The following SLC14A2 variants were observed in gnomAD, a reference collection of about 807,000 sequenced individuals.
SLC14A2 encodes urea transporter 2.
SLC14A2 carries 91 observed loss-of-function variants against 104.6 expected under a neutral mutation model. That is an observed-to-expected ratio of 0.87 (90% CI 0.73 to 1.04). SLC14A2 has a LOEUF of 1.04. Ranked by LOEUF, SLC14A2 falls within the 50% of genes least tolerant of loss-of-function variation. The pLI is 0.00. For synonymous variants in SLC14A2, 476 were observed against 466.4 expected (o/e 1.02, Z -0.27); for missense variants, 1,189 against 1,156.0 (o/e 1.03, Z -0.41).
At chr18:45,349,969 T>C (rs2085486089) in intron 1 of SLC14A2, among the ~76,000 whole-genome samples, 1 of 152,190 alleles carries the variant, frequency 6.6e-6, no homozygotes, top group African/African-American at 2.4e-5. Flanking sequence ...AAATAATCAA[T>C]ATTATCAACT....
chr18:45,253,121 C>A (rs887579512), intron 1 of SLC14A2, among the ~76,000 whole-genome samples: 1 of 152,082 alleles, frequency 6.6e-6, no homozygotes, highest in Non-Finnish European at 1.5e-5. Context: ...ATGTTAAAAC[C>A]AGATTGTTTG....
the SLC14A2 span, among the ~76,000 whole-genome samples, chr18:45,180,308 C>T: frequency 6.6e-6 from 1 of 152,128 alleles, no homozygotes; most frequent in African/African-American, 2.4e-5. Context: ...ACAATATTAG[C>T]ACTCATCTCA....
intron 1 of SLC14A2, among the ~76,000 whole-genome samples, chr18:45,252,029 G>A (rs749189979): frequency 6.6e-6 from 1 of 152,162 alleles, no homozygotes; most frequent in Non-Finnish European, 1.5e-5. Context: ...TAGTGCAACA[G>A]CTTGCCTCAG....
At chr18:45,299,284 A>G (rs993201143) in intron 1 of SLC14A2, among the ~76,000 whole-genome samples, 2 of 152,214 alleles carry the variant, frequency 1.3e-5, no homozygotes, top group East Asian at 1.9e-4. Flanking sequence ...CTAATGTTCT[A>G]TGTAAAGACT....
At chr18:45,573,310 A>G (rs1412141893) in intron 2 of SLC14A2, among the ~76,000 whole-genome samples, 1 of 152,224 alleles carries the variant, frequency 6.6e-6, no homozygotes, top group Non-Finnish European at 1.5e-5. Flanking sequence ...CTTCAATATA[A>G]GCTTCTTTCT....
intron 1 of SLC14A2, among the ~76,000 whole-genome samples, chr18:45,356,224 C>T (rs894865486): frequency 2.6e-5 from 4 of 152,178 alleles, no homozygotes; most frequent in Non-Finnish European, 5.9e-5. Context: ...CTCCAAGTCT[C>T]AGTTTATAAA....
intron 1 of SLC14A2, among the ~76,000 whole-genome samples, chr18:45,377,847 C>A (rs1233998011): frequency 6.6e-6 from 1 of 152,172 alleles, no homozygotes; most frequent in Non-Finnish European, 1.5e-5. Flanking sequence ...GTCATCCAAT[C>A]CTCTGTCTTC....
At chr18:45,521,776 C>T (rs1375944998) in intron 2 of SLC14A2, among the ~76,000 whole-genome samples, 1 of 152,068 alleles carries the variant, frequency 6.6e-6, no homozygotes, top group Non-Finnish European at 1.5e-5. Context: ...GAATCAGAAT[C>T]TCTGGAGCTG....
chr18:45,188,226 A>C, the SLC14A2 span, among the ~76,000 whole-genome samples: 1 of 152,150 alleles, frequency 6.6e-6, no homozygotes, highest in Non-Finnish European at 1.5e-5. Flanking sequence ...AAGAGAGGTT[A>C]AACTTTGTGG....
intron 2 of SLC14A2, among the ~76,000 whole-genome samples, chr18:45,512,244 T>C (rs1342382114): frequency 6.6e-6 from 1 of 151,696 alleles, no homozygotes; most frequent in African/African-American, 2.4e-5. Flanking sequence ...ATGGTGGAGG[T>C]GAGGGTCCCA....
chr18:45,423,268 T>C (rs2086374342), intron 1 of SLC14A2, among the ~76,000 whole-genome samples: 1 of 152,216 alleles, frequency 6.6e-6, no homozygotes, highest in South Asian at 2.1e-4. Flanking sequence ...ACAATCAAGA[T>C]GCTATATTAT....
intron 1 of SLC14A2, among the ~76,000 whole-genome samples, chr18:45,378,231 G>C (rs919808377): frequency 6.7e-6 from 1 of 150,302 alleles, no homozygotes; most frequent in African/African-American, 2.5e-5. Context: ...TAGTGTAAAG[G>C]CTCCTATTAA....
At chr18:45,240,530 T>C (rs536428040) in intron 1 of SLC14A2, among the ~76,000 whole-genome samples, 12 of 152,280 alleles carry the variant, frequency 7.9e-5, no homozygotes, top group Non-Finnish European at 1.6e-4. Flanking sequence ...CTTTTAGATC[T>C]TCTATGTTCT....
chr18:45,487,986 A>G (rs1391903026), intron 2 of SLC14A2, among the ~76,000 whole-genome samples: 32 of 152,208 alleles, frequency 2.1e-4, no homozygotes, highest in Non-Finnish European at 4.4e-5. Flanking sequence ...AGCTACTTCT[A>G]GAATACCTGT....
intron 1 of SLC14A2, among the ~76,000 whole-genome samples, chr18:45,464,717 T>C (rs1041798609): frequency 2.0e-5 from 3 of 152,330 alleles, no homozygotes; most frequent in South Asian, 4.1e-4. Context: ...TCCATCTTCT[T>C]GGGAGTGCGT....
At chr18:45,457,319 C>T (rs889816113) in intron 1 of SLC14A2, among the ~76,000 whole-genome samples, 3 of 152,086 alleles carry the variant, frequency 2.0e-5, no homozygotes, top group East Asian at 1.9e-4. Context: ...CCATCCCAGA[C>T]GTACAGCATC....
At chr18:45,237,936 C>T (rs58590073) in intron 1 of SLC14A2, among the ~76,000 whole-genome samples, 4,250 of 152,244 alleles carry the variant, frequency 0.028, 193 homozygotes, top group African/African-American at 0.096. Context: ...TAAATGTGCT[C>T]TGTTGGCCTC....
intron 2 of SLC14A2, among the ~76,000 whole-genome samples, chr18:45,561,242 C>T (rs909033368): frequency 2.6e-5 from 4 of 152,090 alleles, no homozygotes; most frequent in African/African-American, 7.2e-5. Flanking sequence ...ATGAAGGCAA[C>T]GTGCCTGTCG....
At chr18:45,192,650 TTGTTTTG>T in the SLC14A2 span, among the ~76,000 whole-genome samples, 6 of 148,286 alleles carry the variant, frequency 4.0e-5, no homozygotes, top group African/African-American at 1.6e-4. Context: ...TTTTTTTGTT[TTGTTTTG>T]TTTTGTTTTG....
Sources: gnomAD v4.1 joint callset for allele counts (sites outside exome capture counted in the v4.1 genomes callset) on GRCh38, gnomAD v4.1.1 for gene constraint, MANE v1.5 for transcripts, NCBI Gene and HGNC (gene_info 2026-07-23, HGNC 2026-07-21) for gene names.